Variants in PCDHA2 observed in about 807,000 individuals in gnomAD.
PCDHA2 encodes the protein protocadherin alpha 2.
Under a neutral mutation model 66.0 loss-of-function variants are expected in PCDHA2, and 58 were observed. The ratio of observed to expected loss-of-function variants is 0.88; its 90% CI spans 0.71 to 1.09. The LOEUF (loss-of-function observed/expected upper bound fraction) is 1.09. PCDHA2 is among the 50% of genes least tolerant of loss of function. PCDHA2 has a pLI of 0.00. For synonymous variants in PCDHA2, 634 were observed against 554.0 expected (o/e 1.14, Z -2.03); for missense variants, 1,267 against 1,242.3 (o/e 1.02, Z -0.30).
intron 1 of PCDHA2, among the ~76,000 whole-genome samples, chr5:140,908,736 A>G (rs2074127705): frequency 6.6e-6 from 1 of 152,180 alleles, no homozygotes; most frequent in African/African-American, 2.4e-5. Flanking sequence ...GGCTCGAGAA[A>G]CAGAGCAACT....
At chr5:140,830,655 T>C in intron 1 of PCDHA2, 2 of 431,072 alleles carry the variant, frequency 4.6e-6, no homozygotes, top group Non-Finnish European at 7.5e-6. Flanking sequence ...TTAATATTCA[T>C]AATTTAAGTG....
intron 1 of PCDHA2, among the ~76,000 whole-genome samples, chr5:140,846,053 A>T (rs2150384240): frequency 6.7e-6 from 1 of 149,910 alleles, no homozygotes; most frequent in East Asian, 1.9e-4. Context: ...AACACCACCT[A>T]TGTGGGAAAA....
intron 1 of PCDHA2, among the ~76,000 whole-genome samples, chr5:140,943,004 C>T (rs1248261862): frequency 6.6e-6 from 1 of 151,842 alleles, no homozygotes; most frequent in East Asian, 1.9e-4. Context: ...TGCCTGTAAT[C>T]CCAGCACTTT....
At chr5:140,836,443 C>A (rs1774486364) in intron 1 of PCDHA2, 5 of 1,613,726 alleles carry the variant, frequency 3.1e-6, no homozygotes, top group African/African-American at 1.3e-5. Flanking sequence ...TTGGGCATTG[C>A]AGGCCCAGAG....
rs2150502964 is a variant in PCDHA2 at position 140,850,934 on chromosome 5, T to C, written c.2388+53582T>C. On this transcript the variant is annotated intron_variant, in intron 1 of 3. Transcript: ENST00000526136. ...TATTTATTTATATAATTTTTTTTCTTGAAAGATATTATCGATTACTCCCAG... is the reference window on the plus strand; with the variant it reads ...TATTTATTTATATAATTTTTTTTCTCGAAAGATATTATCGATTACTCCCAG... 3.0e-5 allele frequency: 45 copies of C among 1,514,272 alleles called. 2 individuals are homozygous for C. The South Asian group carries it at 5.0e-4, about 17-fold the overall frequency. The allele number at this position is 1,514,272 out of a possible 1,614,324, so 93.8% of individuals were successfully genotyped here.
chr5:140,929,112 C>A, intron 1 of PCDHA2: 1 of 1,614,130 alleles, frequency 6.2e-7, no homozygotes, highest in South Asian at 1.1e-5. Flanking sequence ...TGACATCAGC[C>A]ACCATAGATG....
chr5:140,876,819 C>G (rs781959784), intron 1 of PCDHA2: 4 of 1,614,180 alleles, frequency 2.5e-6, no homozygotes, highest in Non-Finnish European at 3.4e-6. Context: ...CCGACGTGAA[C>G]GACAATGCGC....
At chr5:140,857,676 C>T (rs1178476676) in intron 1 of PCDHA2, 1 of 1,596,974 alleles carries the variant, frequency 6.3e-7, no homozygotes, top group Non-Finnish European at 8.6e-7. Context: ...GGCGTGCCGC[C>T]TCTGGGCAGC....
intron 1 of PCDHA2, chr5:140,801,571 A>G (rs1554121550): frequency 6.2e-7 from 1 of 1,614,252 alleles, no homozygotes. Context: ...GAAGTGAAGG[A>G]CATTAATGAC....
chr5:140,894,603 C>G (rs782068626), intron 1 of PCDHA2, among the ~76,000 whole-genome samples: 1 of 151,756 alleles, frequency 6.6e-6, no homozygotes, highest in African/African-American at 2.4e-5. Context: ...TTTCTCATCT[C>G]TCTTTTCAAA....
rs1215623176 is a variant in PCDHA2 at position 140,858,135 on chromosome 5, T to A, written c.2388+60783T>A. On this transcript the variant is annotated intron_variant, in intron 1 of 3. Transcript: ENST00000526136. ...GAGGTGGCCCTGGTGGATGTCAACG[T>A]GTACCTGATCATCGCCATCTGCGCG... is the stretch of plus-strand genomic sequence containing the variant. 2 of 1,597,334 alleles carry A rather than the reference T, an allele frequency of 1.3e-6. 1 individual carries two copies. Among genetic ancestry groups the A allele is most frequent in the Non-Finnish European group, 1.7e-6 (2 of 1,167,406 alleles).
rs1554174531 is a variant in PCDHA2 at position 140,882,554 on chromosome 5, T to G, written c.2388+85202T>G. On this transcript the variant is annotated intron_variant, in intron 1 of 3. Transcript: ENST00000526136. ...TTCTCGGATCGACCGCGAGGAGCTG[T>G]GTGGGCGGAGCGCGGAGTGCAGCAT... is the stretch of plus-strand genomic sequence containing the variant. 1.9e-6 allele frequency: 3 copies of G among 1,614,174 alleles called. No homozygotes were observed. The South Asian group carries it at 3.3e-5, about 18-fold the overall frequency.
chr5:140,961,716 G>A (rs2095631233), intron 1 of PCDHA2, among the ~76,000 whole-genome samples: 1 of 152,082 alleles, frequency 6.6e-6, no homozygotes, highest in African/African-American at 2.4e-5. Flanking sequence ...TCATTTCTAA[G>A]TGCTCATAAA....
At chr5:140,819,668 T>G (rs1385030573) in intron 1 of PCDHA2, among the ~76,000 whole-genome samples, 1 of 152,088 alleles carries the variant, frequency 6.6e-6, no homozygotes, top group Non-Finnish European at 1.5e-5. Flanking sequence ...AAATAAGAGT[T>G]GATCACTGTA....
intron 1 of PCDHA2, chr5:140,821,592 C>G: frequency 1.5e-6 from 1 of 669,672 alleles, no homozygotes; most frequent in Non-Finnish European, 2.4e-6. Flanking sequence ...CCCTTCCCAG[C>G]CTCAAAGGAA....
intron 1 of PCDHA2, among the ~76,000 whole-genome samples, chr5:140,945,356 G>A (rs1294877669): frequency 1.1e-4 from 16 of 151,976 alleles, no homozygotes; most frequent in Non-Finnish European, 1.9e-4. Flanking sequence ...AATTAATACT[G>A]TTTAAAATGT....
chr5:141,002,059 G>A (rs983772482), intron 3 of PCDHA2, among the ~76,000 whole-genome samples: 1 of 152,242 alleles, frequency 6.6e-6, no homozygotes, highest in Non-Finnish European at 1.5e-5. Flanking sequence ...AGAGGCAGCA[G>A]CAGCCGCCAG....
intron 1 of PCDHA2, among the ~76,000 whole-genome samples, chr5:140,944,533 AG>A (rs1276351803): frequency 6.6e-6 from 1 of 152,148 alleles, no homozygotes; most frequent in Non-Finnish European, 1.5e-5. Flanking sequence ...AAATGATTTA[AG>A]TATTTAAAGA....
chr5:140,871,156 G>C (rs200268029), intron 1 of PCDHA2: 2 of 1,613,446 alleles, frequency 1.2e-6, no homozygotes, highest in Non-Finnish European at 8.5e-7. Context: ...TTTGGCGGGC[G>C]CCGCGAGCCC....
Sources: gnomAD v4.1 joint callset for allele counts (sites outside exome capture counted in the v4.1 genomes callset) on GRCh38, gnomAD v4.1.1 for gene constraint, MANE v1.5 for transcripts, NCBI Gene and HGNC (gene_info 2026-07-23, HGNC 2026-07-21) for gene names.